Variants in SLK observed in about 807,000 individuals in gnomAD.
SLK encodes STE20-like serine/threonine-protein kinase.
Under a neutral mutation model 147.7 loss-of-function variants are expected in SLK, and 67 were observed. The observed-to-expected ratio is 0.45, with a 90% confidence interval of 0.37 to 0.56. SLK has a LOEUF of 0.56. Ranked by LOEUF, SLK falls within the 20% of genes least tolerant of loss-of-function variation. The pLI is 0.00. For missense variants in SLK, 1,136 were observed against 1,438.8 expected (o/e 0.79, Z 3.41); for synonymous variants, 441 against 475.0 (o/e 0.93, Z 0.93).
rs772478262 is a variant in SLK at position 104,020,531 on chromosome 10, C to T, written c.3365C>T (p.Ala1122Val). 2.5e-6 allele frequency: 4 copies of T among 1,613,544 alleles called. No homozygotes were observed. Among genetic ancestry groups the T allele is most frequent in the Non-Finnish European group, 2.5e-6 (3 of 1,179,784 alleles). ...EEKRQKNERMAQHQKHENQMR... is the reference protein window; with the variant it reads ...EEKRQKNERMVQHQKHENQMR... ...AAGAGGCAGAAAAATGAGAGAATGG[C>T]TCAGCATCAGAAACATGAGAATCAA... Residue 1122 changes from alanine (A) to valine (V), a missense_variant, in exon 17 of 19, where the codon GCT becomes GTT. Physicochemically the swap from Ala to Val is moderately conservative, Grantham distance 64. Transcript: ENST00000369755.
chr10:103,983,576 AAGG>A (rs1348163978), intron 1 of SLK, among the ~76,000 whole-genome samples: 1 of 152,156 alleles, frequency 6.6e-6, no homozygotes, highest in Non-Finnish European at 1.5e-5. Context: ...GGGAGGCTGC[AAGG>A]AGAAGGAGGA....
intron 9 of SLK, among the ~76,000 whole-genome samples, chr10:104,004,910 G>A (rs1178402410): frequency 1.3e-5 from 2 of 152,096 alleles, no homozygotes; most frequent in Non-Finnish European, 2.9e-5. Flanking sequence ...GCCAAATCTG[G>A]TACTTTTGGG....
intron 18 of SLK, among the ~76,000 whole-genome samples, chr10:104,024,147 A>C (rs1416116873): frequency 1.3e-5 from 2 of 152,134 alleles, no homozygotes; most frequent in Non-Finnish European, 2.9e-5. Flanking sequence ...CACACCCTAC[A>C]TTCAATCAGG....
intron 9 of SLK, among the ~76,000 whole-genome samples, chr10:104,004,544 G>C (rs1275917190): frequency 6.6e-6 from 1 of 152,164 alleles, no homozygotes; most frequent in African/African-American, 2.4e-5. Flanking sequence ...CCTGGGTAGG[G>C]TACCATAGTC....
intron 1 of SLK, among the ~76,000 whole-genome samples, chr10:103,969,232 G>T (rs1843761340): frequency 6.6e-6 from 1 of 152,174 alleles, no homozygotes; most frequent in South Asian, 2.1e-4. Flanking sequence ...GCCTCCCAAA[G>T]TGCTAGGATT....
rs77511945 is a variant in SLK, at chr10:104,020,351, C to T, written c.3322-137C>T. 3,568 of 782,312 alleles carry T rather than the reference C, an allele frequency of 4.6e-3. 98 individuals are homozygous for T. The African/African-American group carries it at 0.055, about 12-fold the overall frequency. 48.5% of individuals were successfully genotyped at this position (782,312 alleles called of 1,614,324 possible). A position where few individuals can be genotyped will look rare whatever the true frequency, so the allele number is the denominator to read the frequency against. ...TTCTCTGAAGCTGTGATGTGGACTCCAGGTTTGAGTCTCAGCATATTATTA... is the reference window on the plus strand; with the variant it reads ...TTCTCTGAAGCTGTGATGTGGACTCTAGGTTTGAGTCTCAGCATATTATTA... On this transcript the variant is annotated intron_variant, in intron 16 of 18. Coordinates refer to ENST00000369755, the MANE Select transcript of SLK (RefSeq NM_014720.4).
Position 104,021,717 on chromosome 10 carries a change from T to G in SLK, c.3545T>G (p.Leu1182Trp). ...SQELKEWREK[L>W]RPRKKTLEEE... ...GAATTAAAGGAGTGGAGAGAGAAAT[T>G]GAGACCTAGGAAAAAGGTAATTTTA... The change falls in exon 18 of 19, where the codon TTG becomes TGG. Residue 1182 changes from leucine (L) to tryptophan (W), a missense_variant. By Grantham distance (61) the Leu-to-Trp change is moderately conservative (BLOSUM62 -2). Around this residue, in one of 6 missense-constraint regions of SLK, gnomAD observed 327 missense variants for 457.5 expected, o/e 0.71. Coordinates refer to ENST00000369755, the MANE Select transcript of SLK (RefSeq NM_014720.4). 3 of 1,583,934 alleles carry G rather than the reference T, an allele frequency of 1.9e-6. No individual in the cohort carries two copies. Among genetic ancestry groups the G allele is most frequent in the Non-Finnish European group, 2.6e-6 (3 of 1,154,844 alleles).
At chr10:103,989,486 G>A (rs1362226261) in intron 1 of SLK, among the ~76,000 whole-genome samples, 1 of 42,638 alleles carries the variant, frequency 2.3e-5, no homozygotes, top group South Asian at 6.8e-4. Flanking sequence ...TTTTTTTTTT[G>A]GAGACAGAGT....
chr10:104,006,052 A>T lies in SLK; in HGVS notation c.2604+17A>T. The T allele has an allele frequency of 6.2e-7, 1 of 1,601,672 alleles. No individual in the cohort carries two copies. The highest frequency in any genetic ancestry group is 8.5e-7 in the Non-Finnish European group (1 of 1,176,382). ...GAAATGATGGTAAAGTCTGATTGTT[A>T]TACCATTTTATATCATTTTGTGTTA... On this transcript the variant is annotated intron_variant, in intron 11 of 18. Transcript: ENST00000369755.
In SLK at chr10:103,967,700, T is replaced by C. The variant is rs1249238729; in HGVS notation, c.-46T>C. 9 of 1,579,104 alleles carry C rather than the reference T, an allele frequency of 5.7e-6. No individual in the cohort carries two copies. In the East Asian group the frequency reaches 1.6e-4, roughly 29 times the overall value. ...CAGGGAAGAGAAACTTTGCCTTTTA[T>C]TGTTTTTAGTCCTTAAGTGCAAGGA... On this transcript the variant is annotated 5_prime_UTR_variant, in exon 1 of 19. Coordinates refer to ENST00000369755, the MANE Select transcript of SLK (RefSeq NM_014720.4).
intron 1 of SLK, among the ~76,000 whole-genome samples, chr10:103,987,903 C>T (rs950200142): frequency 1.3e-5 from 2 of 152,152 alleles, no homozygotes; most frequent in Non-Finnish European, 2.9e-5. Flanking sequence ...CCTCCACCCT[C>T]TTAGCGTCCC....
chr10:104,017,523 A>C (rs561352735), intron 13 of SLK, among the ~76,000 whole-genome samples: 1 of 152,240 alleles, frequency 6.6e-6, no homozygotes, highest in Non-Finnish European at 1.5e-5. Flanking sequence ...TCTGTCACCC[A>C]GGTTGGAATG....
intron 15 of SLK, 123 bp downstream of exon 15, chr10:104,019,031 A>G (rs2296216): frequency 0.023 from 21,861 of 946,012 alleles, 504 homozygotes; most frequent in South Asian, 0.093. Flanking sequence ...TTTATCCTAC[A>G]ATTTCTTGGA....
intron 1 of SLK, among the ~76,000 whole-genome samples, chr10:103,985,020 C>A (rs1421212595): frequency 6.6e-6 from 1 of 152,116 alleles, no homozygotes; most frequent in African/African-American, 2.4e-5. Context: ...GTTTTATTTA[C>A]CTGCAGTCTG....
chr10:103,996,470 C>T (rs907368686), intron 4 of SLK, among the ~76,000 whole-genome samples: 2 of 147,688 alleles, frequency 1.4e-5, no homozygotes, highest in African/African-American at 2.5e-5. Context: ...GCTATCTCGG[C>T]TCACTGCAAG....
intron 1 of SLK, among the ~76,000 whole-genome samples, chr10:103,970,521 A>G (rs116812121): frequency 0.013 from 2,003 of 152,204 alleles, 44 homozygotes; most frequent in African/African-American, 0.046. Flanking sequence ...TTTTCATTTC[A>G]CTACTCTCTG....
chr10:104,020,708 C>G, intron 17 of SLK, 95 bp downstream of exon 17: 4 of 1,299,658 alleles, frequency 3.1e-6, no homozygotes, highest in Non-Finnish European at 4.3e-6. Flanking sequence ...TCAACTGCAT[C>G]ATACACGAAC....
chr10:103,998,631 T>C (rs1844206038), intron 4 of SLK, among the ~76,000 whole-genome samples: 2 of 152,172 alleles, frequency 1.3e-5, no homozygotes, highest in African/African-American at 4.8e-5. Context: ...GAGTTACCAT[T>C]TTTTATTTTC....
chr10:104,021,461 A>G (rs907736777), intron 17 of SLK, among the ~76,000 whole-genome samples, 159 bp from the exon 18 acceptor site: 1 of 152,246 alleles, frequency 6.6e-6, no homozygotes, highest in African/African-American at 2.4e-5. Context: ...GCTATGATTC[A>G]TTTCCTAATT....
Sources: allele counts gnomAD v4.1 joint callset (sites outside exome capture counted in the v4.1 genomes callset), GRCh38; gene constraint gnomAD v4.1.1; regional missense constraint gnomAD v4.1.1; transcripts MANE v1.5; gene names NCBI Gene and HGNC (gene_info 2026-07-23, HGNC 2026-07-21).